The following C16orf96 variants were observed in gnomAD, a reference collection of about 807,000 sequenced individuals.
C16orf96 encodes the protein uncharacterized protein C16orf96.
A neutral mutation model predicts 103.6 loss-of-function variants in C16orf96; 108 were observed. The ratio of observed to expected loss-of-function variants is 1.04; its 90% confidence interval spans 0.89 to 1.22. C16orf96 has a LOEUF of 1.22. Among genes scored for constraint, C16orf96 ranks in the 50% most tolerant of loss-of-function variants. The probability of loss-of-function intolerance (pLI) is 0.00; values close to 1 mark genes in which losing one functional copy is unlikely to be tolerated. For synonymous variants in C16orf96, 566 were observed against 593.5 expected, an observed-to-expected ratio of 0.95 and a Z score of 0.67; for missense variants, 1,586 against 1,464.2, an observed-to-expected ratio of 1.08 and a Z score of -1.36.
In C16orf96 at chr16:4,578,005, G is replaced by C. The variant is rs150836345; in HGVS notation, c.2156-935G>C. Among the ~76,000 whole-genome samples the C allele has an allele frequency of 2.9e-3, 439 of 152,166 alleles. 3 individuals are homozygous for C. The highest frequency in any genetic ancestry group is 0.01 in the African/African-American group (416 of 41,538). ...CAGGCCTGTAGTCCCAACTACTCAGGAGGCTGAGGTGGGAAGATTGCTTGA... is the reference window on the plus strand; with the variant it reads ...CAGGCCTGTAGTCCCAACTACTCAGCAGGCTGAGGTGGGAAGATTGCTTGA... On this transcript the variant is annotated intron_variant, in intron 5 of 15. Coordinates refer to ENST00000444310, the MANE Select transcript of C16orf96 (RefSeq NM_001145011.2).
intron 13 of C16orf96, 94 bp from the exon 14 acceptor site, chr16:4,594,610 G>T: frequency 6.5e-7 from 1 of 1,537,384 alleles, no homozygotes; most frequent in Non-Finnish European, 8.8e-7. Flanking sequence ...CCCAGCAGAG[G>T]CTGCACTCTG....
chr16:4,590,989 A>C (rs1445609955), intron 9 of C16orf96, among the ~76,000 whole-genome samples: 1 of 151,972 alleles, frequency 6.6e-6, no homozygotes, highest in East Asian at 1.9e-4. Context: ...CTGAGATCAC[A>C]CCACTGTACT....
chr16:4,587,637 G>GA (rs1205657061), intron 8 of C16orf96, among the ~76,000 whole-genome samples: 3 of 151,280 alleles, frequency 2.0e-5, no homozygotes, highest in Non-Finnish European at 2.9e-5. Flanking sequence ...CACTCTACTT[G>GA]AAAATCACAC....
In C16orf96 at chr16:4,594,782, G is replaced by A. The variant is rs987744311; in HGVS notation, c.3106G>A (p.Ala1036Thr). The stretch of plus-strand genomic sequence containing the variant: ...CAGCCAGCGTGGGGCTCAGCCCTTG[G>A]CCGTCGCAAAGGAGCTGGCAGGTGA... Reference protein sequence around the residue: ...VNSQRGAQPLAVAKELAAVKA... With the variant: ...VNSQRGAQPLTVAKELAAVKA... The change falls in exon 14 of 16, where the codon GCC (alanine) becomes ACC (threonine). Residue 1036 changes from alanine (A) to threonine (T), a missense_variant. Ala to Thr is a moderately conservative substitution (Grantham distance 58). Transcript: ENST00000444310. 32 of 1,550,612 alleles carry A rather than the reference G, an allele frequency of 2.1e-5. No homozygotes were observed. The highest frequency in any genetic ancestry group is 2.6e-5 in the Non-Finnish European group (30 of 1,146,902).
chr16:4,566,426 A>G (rs535670137), intron 1 of C16orf96, among the ~76,000 whole-genome samples: 1 of 152,308 alleles, frequency 6.6e-6, no homozygotes, highest in East Asian at 1.9e-4. Context: ...CCTGATGACG[A>G]ATGATGTTGA....
the C16orf96 span, among the ~76,000 whole-genome samples, chr16:4,540,710 G>C: frequency 6.6e-6 from 1 of 151,868 alleles, no homozygotes; most frequent in Non-Finnish European, 1.5e-5. Flanking sequence ...CTGGGAGACA[G>C]AGCAAAACTC....
In C16orf96 at chr16:4,572,892, G is replaced by A. The variant is rs542137187; in HGVS notation, c.525+1227G>A. ...CCCGAGACATGAGGCAGCTGTCCCC[G>A]TCACAACTGATGAGTCACAGCTGGG... On this transcript the variant is annotated intron_variant, in intron 2 of 15. Coordinates refer to ENST00000444310, the MANE Select transcript of C16orf96 (RefSeq NM_001145011.2). 5.3e-5 allele frequency among the ~76,000 whole-genome samples: 8 copies of A among 152,178 alleles called. 1 individual carries two copies. The South Asian group carries it at 1.0e-3, about 20-fold the overall frequency.
chr16:4,545,860 A>C, the C16orf96 span, among the ~76,000 whole-genome samples: 4 of 151,036 alleles, frequency 2.6e-5, no homozygotes, highest in African/African-American at 9.8e-5. Context: ...TTTTTCTTTC[A>C]TTTTTTTGAG....
intron 15 of C16orf96, 97 bp downstream of exon 15, chr16:4,599,461 C>A (rs1433841347): frequency 9.3e-7 from 1 of 1,072,040 alleles, no homozygotes; most frequent in Non-Finnish European, 1.4e-6. Context: ...CGCCTGGGCT[C>A]TCCTGTCCAC....
upstream of C16orf96, among the ~76,000 whole-genome samples, chr16:4,553,537 C>T (rs879808051): frequency 1.1e-4 from 17 of 151,976 alleles, no homozygotes; most frequent in African/African-American, 1.7e-4. Flanking sequence ...GGGGTTTCAC[C>T]GTGTTGTGCA....
intron 7 of C16orf96, 124 bp from the exon 8 acceptor site, chr16:4,586,915 C>A (rs941501021): frequency 6.1e-6 from 5 of 821,376 alleles, no homozygotes; most frequent in Non-Finnish European, 9.7e-6. Context: ...CCCATGCCCA[C>A]CTGCCTGCTG....
At position 4,580,017 on chromosome 16, in the gene C16orf96, G is replaced by T. The variant is rs1319424852; in HGVS notation, c.2244G>T (p.Glu748Asp). Residue 748 changes from glutamate (E) to aspartate (D), a missense_variant and splice_region_variant, in exon 7 of 16, where the codon GAG (glutamate) becomes GAT (aspartate). Glu to Asp is a conservative substitution (Grantham distance 45). Transcript: ENST00000444310. ...IGSLQKSRLK[E>D]EELERIWGNQ... ...GTGTCTGTGTCTCCCCCTTTTAGGAGGAAGAACTTGAGAGAATTTGGGGCA... is the reference window on the plus strand; with the variant it reads ...GTGTCTGTGTCTCCCCCTTTTAGGATGAAGAACTTGAGAGAATTTGGGGCA... 1.9e-6 allele frequency: 3 copies of T among 1,550,954 alleles called. No individual in the cohort carries two copies. The highest frequency in any genetic ancestry group is 1.2e-5 in the South Asian group (1 of 84,046).
At chr16:4,580,905 A>G (rs8052168) in intron 7 of C16orf96, among the ~76,000 whole-genome samples, 145,164 of 151,640 alleles carry the variant, frequency 0.96, 69,793 homozygotes, top group East Asian at 1. Context: ...TGGGCGGATC[A>G]TCTGAGATCG....
chr16:4,554,339 T>TTTTTTC (rs1205291278), upstream of C16orf96, among the ~76,000 whole-genome samples: 3 of 151,756 alleles, frequency 2.0e-5, no homozygotes, highest in Non-Finnish European at 2.9e-5. Flanking sequence ...ACAACGCCCT[T>TTTTTTC]TTTTTCTTTT....
At chr16:4,545,485 C>T in the C16orf96 span, among the ~76,000 whole-genome samples, 1 of 152,194 alleles carries the variant, frequency 6.6e-6, no homozygotes, top group Non-Finnish European at 1.5e-5. Context: ...AGCCGCTGCA[C>T]CTAGCCAAGC....
Position 4,593,618 on chromosome 16 carries a change from T to C in C16orf96, c.2867+302T>C, listed in dbSNP as rs560432108. On this transcript the variant is annotated intron_variant, in intron 12 of 15. Transcript: ENST00000444310. The surrounding 1 kb of genome is among the most constrained non-coding windows in gnomAD (Gnocchi z 4.2). ...CTGTGAGCTAGGGTTCCTATGCCCA[T>C]GTCCCTGTTTCTTGGCGGAGGGAAT... is the stretch of plus-strand genomic sequence containing the variant. Among the ~76,000 whole-genome samples, 1 of 152,148 alleles carries C rather than the reference T, an allele frequency of 6.6e-6. No homozygotes were observed. Among genetic ancestry groups the C allele is most frequent in the African/African-American group, 2.4e-5 (1 of 41,522 alleles).
chr16:4,579,808 G>A lies in C16orf96; in HGVS notation c.2242-207G>A, dbSNP rs541333347. ...TGTATTTTTTGTAGAGACTGGTTTC[G>A]CCGTGTTGGGCAGGCTGGTCTCGAG... On this transcript the variant is annotated intron_variant, in intron 6 of 15. Transcript: ENST00000444310. 9.9e-5 allele frequency among the ~76,000 whole-genome samples: 15 copies of A among 152,042 alleles called. 1 individual carries two copies. In the South Asian group the frequency reaches 2.9e-3, roughly 30 times the overall value.
At chr16:4,540,657 G>T in the C16orf96 span, among the ~76,000 whole-genome samples, 2 of 151,906 alleles carry the variant, frequency 1.3e-5, no homozygotes, top group African/African-American at 4.8e-5. Context: ...AACCTAGGAG[G>T]CAGAGGTTGC....
Position 4,588,244 on chromosome 16 carries a change from G to T in C16orf96, c.2505G>T (p.Met835Ile), listed in dbSNP as rs915868218. 1.1e-5 allele frequency: 17 copies of T among 1,551,688 alleles called. No individual in the cohort carries two copies. The highest frequency in any genetic ancestry group is 1.5e-5 in the Non-Finnish European group (17 of 1,146,982). Residue 835 changes from methionine (M) to isoleucine (I), a missense_variant, in exon 9 of 16, where the codon ATG becomes ATT. By Grantham distance (10) the Met-to-Ile change is conservative (BLOSUM62 1). Transcript: ENST00000444310. Reference sequence around the variant, plus strand: ...CTGTGGCCTTGGAGCTGAACGAGATGATTCAGGGCATACTCTTCAAGGTCA... The same window carrying T: ...CTGTGGCCTTGGAGCTGAACGAGATTATTCAGGGCATACTCTTCAAGGTCA... ...LETVALELNE[M>I]IQGILFKVTI...
Sources: allele counts gnomAD v4.1 joint callset (sites outside exome capture counted in the v4.1 genomes callset), GRCh38; gene constraint gnomAD v4.1.1; non-coding constraint Gnocchi (gnomAD v3.1); transcripts MANE v1.5; gene names NCBI Gene and HGNC (gene_info 2026-07-23, HGNC 2026-07-21).